The following TNS3 variants were observed in gnomAD, a reference collection of about 807,000 sequenced individuals.
The protein encoded by TNS3 is tensin 3.
TNS3 carries 45 observed loss-of-function variants against 140.9 expected under a neutral mutation model. That is an observed-to-expected ratio of 0.32 (90% CI 0.25 to 0.41). The LOEUF (loss-of-function observed/expected upper bound fraction) is 0.41. Ranked by LOEUF, TNS3 falls within the 10% of genes least tolerant of loss-of-function variation. The probability of loss-of-function intolerance (pLI) is 1.00; values close to 1 mark genes in which losing one functional copy is unlikely to be tolerated. For missense variants in TNS3, 1,716 were observed against 1,906.7 expected (o/e 0.90, Z 1.86); for synonymous variants, 815 against 788.4 (o/e 1.03, Z -0.56).
At chr7:47,543,184 T>G (rs1799835636) in intron 1 of TNS3, among the ~76,000 whole-genome samples, 1 of 152,226 alleles carries the variant, frequency 6.6e-6, no homozygotes, top group Non-Finnish European at 1.5e-5. Context: ...TCTTTCCCTG[T>G]GCAGCCAGCT....
At chr7:47,378,746 G>A (rs568530321) in intron 16 of TNS3, among the ~76,000 whole-genome samples, 1 of 152,180 alleles carries the variant, frequency 6.6e-6, no homozygotes, top group East Asian at 1.9e-4. Flanking sequence ...AAGTTTCATG[G>A]GGGGAGGGCT....
intron 2 of TNS3, among the ~76,000 whole-genome samples, chr7:47,522,287 T>C (rs1230145494): frequency 6.6e-6 from 1 of 152,146 alleles, no homozygotes; most frequent in Non-Finnish European, 1.5e-5. Flanking sequence ...CTGGTGTGTC[T>C]CCCTAAGGCA....
chr7:47,543,288 T>G (rs1422415624), intron 1 of TNS3, among the ~76,000 whole-genome samples: 2 of 152,218 alleles, frequency 1.3e-5, no homozygotes, highest in African/African-American at 4.8e-5. Flanking sequence ...CAGGCACACT[T>G]GCATCTCACC....
chr7:47,515,087 T>C (rs1798735827), intron 2 of TNS3, among the ~76,000 whole-genome samples: 1 of 152,206 alleles, frequency 6.6e-6, no homozygotes, highest in South Asian at 2.1e-4. Flanking sequence ...TTTCTATCTT[T>C]TCTTTCCCTT....
intron 2 of TNS3, among the ~76,000 whole-genome samples, chr7:47,522,137 C>A (rs533200027): frequency 6.6e-6 from 1 of 152,208 alleles, no homozygotes; most frequent in Non-Finnish European, 1.5e-5. Flanking sequence ...GCCCGCCCCC[C>A]AAAAGTGGGG....
intron 16 of TNS3, among the ~76,000 whole-genome samples, chr7:47,394,685 A>G (rs1233883724): frequency 6.6e-6 from 1 of 152,262 alleles, no homozygotes; most frequent in Non-Finnish European, 1.5e-5. Context: ...GCTCACACAC[A>G]TAATTCCACA....
Position 47,420,255 on chromosome 7 carries a change from T to C in TNS3, c.473+3846A>G, listed in dbSNP as rs548753361. Among the ~76,000 whole-genome samples the C allele has an allele frequency of 4.6e-5, 7 of 152,308 alleles. No individual in the cohort carries two copies. The South Asian group carries it at 1.0e-3, about 23-fold the overall frequency. On this transcript the variant is annotated intron_variant, in intron 10 of 30. Transcript: ENST00000311160. ...CATGAGCAGGGCAGCAGAGGGCTCT[T>C]TCCGCACGCACTAGGAGAATGTGGG...
intron 10 of TNS3, among the ~76,000 whole-genome samples, chr7:47,417,078 C>T (rs1293039344): frequency 1.3e-5 from 2 of 152,340 alleles, no homozygotes; most frequent in African/African-American, 4.8e-5. Flanking sequence ...CTGGACCAGG[C>T]ATCTAGGTGA....
chr7:47,522,808 G>C (rs918254032), intron 2 of TNS3, among the ~76,000 whole-genome samples: 1 of 151,906 alleles, frequency 6.6e-6, no homozygotes, highest in African/African-American at 2.4e-5. Context: ...GGCGCCTGTA[G>C]TCCCAGCTAC....
chr7:47,539,560 T>C, intron 1 of TNS3: 1 of 178,826 alleles, frequency 5.6e-6, no homozygotes, highest in East Asian at 1.5e-4. Context: ...CTCTGCGCCC[T>C]TGGGCTCACT....
At chr7:47,410,564 C>T (rs1308000480) in intron 13 of TNS3, among the ~76,000 whole-genome samples, 1 of 152,180 alleles carries the variant, frequency 6.6e-6, no homozygotes, top group East Asian at 1.9e-4. Context: ...CAATCCTCTC[C>T]ACCTTCGATC....
intron 20 of TNS3, among the ~76,000 whole-genome samples, chr7:47,340,111 A>AGTTTT (rs1788896425): frequency 2.4e-5 from 1 of 42,356 alleles, no homozygotes; most frequent in Non-Finnish European, 4.5e-5. Context: ...ATATATATAT[A>AGTTTT]TATATTTTTT....
At chr7:47,557,228 G>A (rs1050226255) in intron 1 of TNS3, 8 of 432,466 alleles carry the variant, frequency 1.8e-5, no homozygotes, top group Non-Finnish European at 3.8e-5. Flanking sequence ...CTACGTAAGG[G>A]AGAGGCTGAC....
intron 2 of TNS3, 69 bp from the exon 3 acceptor site, chr7:47,507,013 A>C: frequency 4.1e-6 from 5 of 1,214,874 alleles, no homozygotes; most frequent in Non-Finnish European, 5.4e-6. Context: ...TACATCTTCA[A>C]ACCCTCTCAA....
At chr7:47,284,860 G>T (rs940997585) in intron 27 of TNS3, among the ~76,000 whole-genome samples, 2 of 152,234 alleles carry the variant, frequency 1.3e-5, no homozygotes, top group Admixed American at 6.5e-5. Context: ...CACGGTACGC[G>T]CTGGGTAGTG....
At chr7:47,365,592 T>C (rs1790648566) in intron 17 of TNS3, among the ~76,000 whole-genome samples, 1 of 151,742 alleles carries the variant, frequency 6.6e-6, no homozygotes, top group African/African-American at 2.4e-5. Context: ...TGAAACTCCA[T>C]CTCTACTAAA....
chr7:47,357,661 C>G (rs1297715738), intron 17 of TNS3, among the ~76,000 whole-genome samples: 1 of 152,096 alleles, frequency 6.6e-6, no homozygotes, highest in Non-Finnish European at 1.5e-5. Context: ...AAGAGCCTTC[C>G]CCTCCCAGGC....
chr7:47,581,928 G>C (rs1283583114), intron 1 of TNS3, 123 bp downstream of exon 1: 1 of 151,652 alleles, frequency 6.6e-6, no homozygotes, highest in Non-Finnish European at 1.5e-5. Flanking sequence ...CCGCGCCCCA[G>C]CTCCAGATCT....
chr7:47,325,793 C>T (rs1275231768), intron 20 of TNS3, among the ~76,000 whole-genome samples: 1 of 152,214 alleles, frequency 6.6e-6, no homozygotes, highest in African/African-American at 2.4e-5. Flanking sequence ...ATGCATCACA[C>T]CCACCAGGCT....
Sources: gnomAD v4.1 joint callset for allele counts (sites outside exome capture counted in the v4.1 genomes callset) on GRCh38, gnomAD v4.1.1 for gene constraint, MANE v1.5 for transcripts, NCBI Gene and HGNC (gene_info 2026-07-23, HGNC 2026-07-21) for gene names.